PLA2G4C: variants seen among roughly 807,000 people sequenced by gnomAD.
PLA2G4C encodes the protein phospholipase A2 group IVC.
In PLA2G4C, 64 loss-of-function variants were observed where a neutral mutation model predicts 73.8. That is an observed-to-expected ratio of 0.87 (90% CI 0.71 to 1.07). The LOEUF (loss-of-function observed/expected upper bound fraction) is 1.07. PLA2G4C is among the 50% of genes least tolerant of loss of function. PLA2G4C has a pLI of 0.00. For missense variants in PLA2G4C, 622 were observed against 665.4 expected (o/e 0.93, Z 0.72); for synonymous variants, 254 against 252.1 (o/e 1.01, Z -0.07).
intron 14 of PLA2G4C, among the ~76,000 whole-genome samples, chr19:48,057,122 C>T (rs1600153034): frequency 6.6e-6 from 1 of 152,058 alleles, no homozygotes; most frequent in African/African-American, 2.4e-5. Context: ...ACTTGAACCC[C>T]TGAACTTAAA....
intron 12 of PLA2G4C, among the ~76,000 whole-genome samples, chr19:48,069,186 A>G (rs1046120732): frequency 6.6e-6 from 1 of 152,232 alleles, no homozygotes; most frequent in East Asian, 1.9e-4. Context: ...CCTGGCCGTC[A>G]GATCCAGCAT....
chr19:48,053,681 C>T (rs1967818838), intron 15 of PLA2G4C, among the ~76,000 whole-genome samples: 1 of 152,096 alleles, frequency 6.6e-6, no homozygotes. Flanking sequence ...CCCCCTGCTT[C>T]CTGTCTTCTT....
At chr19:48,104,288 G>A in intron 4 of PLA2G4C, 1 of 298,328 alleles carries the variant, frequency 3.4e-6, no homozygotes, top group Non-Finnish European at 6.3e-6. Flanking sequence ...TGAACATGAG[G>A]CGGAAGCTGT....
At position 48,048,366 on chromosome 19, in the gene PLA2G4C, C is replaced by T; in HGVS notation, c.1603G>A (p.Ala535Thr). Residue 535 changes from alanine to threonine, a missense_variant, in exon 17 of 17, where the codon GCC (alanine) becomes ACC (threonine). Transcript: ENST00000599921. ...VAGLYYPKDS[A>T]RSCCLA ...ATCTATGCCAAGCAGCAACTTCGGG[C>T]ACTATCCTTCGGGTAGTAGAGCCTG... 6.3e-7 allele frequency: 1 copy of T among 1,596,534 alleles called. No homozygotes were observed. Among genetic ancestry groups the T allele is most frequent in the Non-Finnish European group, 8.5e-7 (1 of 1,174,196 alleles).
rs2031123952 is a variant in PLA2G4C at position 48,088,721 on chromosome 19, G to C, written c.764-9C>G. ...CAGATTCCTTAACTGGTCTGCAAAA[G>C]AGTAGAAGCAGGAGGAATGTTTATC... On this transcript the variant is annotated splice_polypyrimidine_tract_variant and intron_variant, in intron 8 of 16. Coordinates refer to ENST00000599921, the MANE Select transcript of PLA2G4C (RefSeq NM_003706.3). The C allele has an allele frequency of 6.3e-7, 1 of 1,597,070 alleles. No homozygotes were observed. The highest frequency in any genetic ancestry group is 8.6e-7 in the Non-Finnish European group (1 of 1,164,344).
chr19:48,099,937 A>T, intron 4 of PLA2G4C, 77 bp from the exon 5 acceptor site: 3 of 1,007,300 alleles, frequency 3.0e-6, no homozygotes, highest in South Asian at 1.6e-5. Flanking sequence ...GTGTGCAAGG[A>T]GGTCCTTCAC....
At chr19:48,108,576 A>G (rs1193066528) in intron 1 of PLA2G4C, among the ~76,000 whole-genome samples, 1 of 152,168 alleles carries the variant, frequency 6.6e-6, no homozygotes, top group African/African-American at 2.4e-5. Flanking sequence ...TCATTCTTCA[A>G]CCCACGACTG....
rs71181640 is a variant in PLA2G4C, at chr19:48,075,153, CATTTATTTATTT to C, written c.899-291_899-280del. 3.9e-3 allele frequency among the ~76,000 whole-genome samples: 551 copies of C among 140,030 alleles called. 4 individuals are homozygous for C. In the East Asian group the frequency reaches 0.042, roughly 11 times the overall value. The allele number at this position is 140,030 out of a possible 152,430, so 91.9% of individuals were successfully genotyped here. ...CTTCAGGGTTGGAGGCAAAGTCTCC[CATTTATTTATTT>C]ATTTATTTATTTATTTATTTATTTA... On this transcript the variant is annotated intron_variant, in intron 11 of 16. Transcript: ENST00000599921.
At chr19:48,065,222 A>G (rs1215421340) in intron 13 of PLA2G4C, among the ~76,000 whole-genome samples, 2 of 141,178 alleles carry the variant, frequency 1.4e-5, no homozygotes, top group Non-Finnish European at 3.1e-5. Flanking sequence ...TTCGGTCCAG[A>G]AAGGTGAGAC....
intron 16 of PLA2G4C, among the ~76,000 whole-genome samples, chr19:48,048,813 T>C (rs530254710): frequency 1.3e-5 from 2 of 152,318 alleles, no homozygotes; most frequent in Admixed American, 1.3e-4. Flanking sequence ...GTTTGGAAAT[T>C]CGTCCCCTCC....
intron 9 of PLA2G4C, among the ~76,000 whole-genome samples, chr19:48,085,412 G>A (rs1005901229): frequency 4.6e-5 from 7 of 152,124 alleles, no homozygotes; most frequent in African/African-American, 1.7e-4. Context: ...CCATGCCAAC[G>A]TTTCTCAGCC....
chr19:48,109,991 T>A (rs1361865990), intron 1 of PLA2G4C, among the ~76,000 whole-genome samples: 2 of 148,814 alleles, frequency 1.3e-5, no homozygotes, highest in African/African-American at 4.9e-5. Context: ...TGCAAGAGGC[T>A]TCAGGAGAAA....
chr19:48,080,329 A>G (rs2030463593), intron 10 of PLA2G4C, among the ~76,000 whole-genome samples: 1 of 152,210 alleles, frequency 6.6e-6, no homozygotes, highest in African/African-American at 2.4e-5. Flanking sequence ...AAAAAAAACC[A>G]TAGACGTTGG....
At chr19:48,083,715 G>A (rs142290378) in intron 10 of PLA2G4C, among the ~76,000 whole-genome samples, 4,175 of 152,050 alleles carry the variant, frequency 0.027, 150 homozygotes, top group African/African-American at 0.084. Context: ...CCAAAGTGCT[G>A]AGATTACAGG....
At chr19:48,073,964 TTTTAATTTAA>T (rs11564612) in intron 12 of PLA2G4C, among the ~76,000 whole-genome samples, 8 of 151,900 alleles carry the variant, frequency 5.3e-5, no homozygotes, top group East Asian at 1.9e-4. Flanking sequence ...TTTCTTTTTC[TTTTAATTTAA>T]TTTAATTTAA....
intron 15 of PLA2G4C, among the ~76,000 whole-genome samples, chr19:48,054,450 C>A (rs1050220401): frequency 6.6e-6 from 1 of 151,720 alleles, no homozygotes; most frequent in South Asian, 2.1e-4. Context: ...ATTACAGGCA[C>A]GCACCACCAA....
chr19:48,065,022 G>C (rs1055193956), intron 13 of PLA2G4C: 1 of 152,176 alleles, frequency 6.6e-6, no homozygotes, highest in Non-Finnish European at 1.5e-5. Flanking sequence ...TCTTGCTGAT[G>C]AAAAGAGTCA....
chr19:48,050,208 CCA>C (rs1456597397), intron 16 of PLA2G4C, among the ~76,000 whole-genome samples: 11 of 152,154 alleles, frequency 7.2e-5, no homozygotes, highest in Non-Finnish European at 1.0e-4. Context: ...GTGTGAACCA[CCA>C]TGCCCGGCCT....
intron 12 of PLA2G4C, among the ~76,000 whole-genome samples, chr19:48,070,102 T>C (rs1014199806): frequency 3.3e-5 from 5 of 152,170 alleles, no homozygotes; most frequent in Non-Finnish European, 5.9e-5. Flanking sequence ...TCTGTTCTCA[T>C]CTGTAAAACC....
Sources: gnomAD v4.1 joint callset for allele counts (sites outside exome capture counted in the v4.1 genomes callset) on GRCh38, gnomAD v4.1.1 for gene constraint, MANE v1.5 for transcripts, NCBI Gene and HGNC (gene_info 2026-07-23, HGNC 2026-07-21) for gene names.